The following MED12L variants were observed in gnomAD, a reference collection of about 807,000 sequenced individuals.
The protein encoded by MED12L is mediator of RNA polymerase II transcription subunit 12-like protein.
In MED12L, 60 loss-of-function variants were observed where a neutral mutation model predicts 281.3. That is an observed-to-expected ratio of 0.21 (90% CI 0.17 to 0.26). MED12L has a LOEUF of 0.26. MED12L is among the 10% of genes least tolerant of loss of function. The pLI is 1.00. For missense variants in MED12L, 2,146 were observed against 2,680.9 expected (o/e 0.80, Z 4.41); for synonymous variants, 974 against 987.2 (o/e 0.99, Z 0.25).
At chr3:151,089,346 G>A (rs1209356201) in intron 2 of MED12L, among the ~76,000 whole-genome samples, 1 of 151,386 alleles carries the variant, frequency 6.6e-6, no homozygotes, top group Non-Finnish European at 1.5e-5. Flanking sequence ...TGTTCCATTA[G>A]AGATAGCTGT....
rs930630884 is a variant in MED12L, at chr3:151,137,291, T to A, written c.556+9307T>A. Among the ~76,000 whole-genome samples the A allele has an allele frequency of 9.2e-5, 14 of 152,196 alleles. 1 individual carries two copies. Among genetic ancestry groups the A allele is most frequent in the African/African-American group, 2.4e-5 (1 of 41,452 alleles). ...CTTCTGTTAAATTTCGTGTTAAAAT[T>A]GCCCCAAAATTGGCCAGAGACCCTT... On this transcript the variant is annotated intron_variant, in intron 5 of 44. Coordinates refer to ENST00000687756, the MANE Select transcript of MED12L (RefSeq NM_001393769.1).
intron 16 of MED12L, among the ~76,000 whole-genome samples, chr3:151,273,578 T>A (rs1197542587): frequency 6.6e-6 from 1 of 151,964 alleles, no homozygotes; most frequent in Non-Finnish European, 1.5e-5. Context: ...TCTGGGTAAT[T>A]TATGTATATA....
chr3:151,384,338 T>G (rs945099188), intron 35 of MED12L, 120 bp downstream of exon 35: 1 of 1,049,034 alleles, frequency 9.5e-7, no homozygotes, highest in Non-Finnish European at 1.3e-6. Context: ...TTAATGTGAT[T>G]ATTTGCTATT....
chr3:151,161,976 C>T (rs539765338), intron 8 of MED12L, among the ~76,000 whole-genome samples: 4 of 152,004 alleles, frequency 2.6e-5, no homozygotes, highest in East Asian at 1.9e-4. Flanking sequence ...TAAGGAATGT[C>T]GAGGAGTGAT....
At chr3:151,342,359 C>T (rs115084327) in intron 16 of MED12L, among the ~76,000 whole-genome samples, 70 of 152,296 alleles carry the variant, frequency 4.6e-4, no homozygotes, top group African/African-American at 1.3e-3. Flanking sequence ...GCTGTGAACA[C>T]GTTTTGGTTT....
At chr3:151,223,671 C>T (rs1729871471) in intron 16 of MED12L, among the ~76,000 whole-genome samples, 1 of 152,120 alleles carries the variant, frequency 6.6e-6, no homozygotes, top group South Asian at 2.1e-4. Flanking sequence ...GAACAGTAGA[C>T]ACTGGAGACT....
At chr3:151,334,978 ATTT>A (rs1369868195) in intron 16 of MED12L, among the ~76,000 whole-genome samples, 3 of 152,162 alleles carry the variant, frequency 2.0e-5, no homozygotes, top group Non-Finnish European at 4.4e-5. Context: ...TTTCATATAA[ATTT>A]CATTCGGCAT....
intron 2 of MED12L, among the ~76,000 whole-genome samples, chr3:151,088,506 T>C (rs1245965562): frequency 6.6e-6 from 1 of 152,314 alleles, no homozygotes; most frequent in East Asian, 1.9e-4. Flanking sequence ...GGTTGAACTT[T>C]ATCATCTTGT....
chr3:151,402,167 T>G (rs561972051), intron 39 of MED12L, among the ~76,000 whole-genome samples: 1 of 152,352 alleles, frequency 6.6e-6, no homozygotes, highest in African/African-American at 2.4e-5. Flanking sequence ...AGTAAAATGC[T>G]TTTTCTATTA....
intron 25 of MED12L, among the ~76,000 whole-genome samples, chr3:151,368,760 ATTTTTTTT>A (rs201834162): frequency 1.2e-5 from 1 of 80,302 alleles, no homozygotes; most frequent in Non-Finnish European, 2.6e-5. Context: ...ATGTCATTTC[ATTTTTTTT>A]TTTTTTTTTC....
At chr3:151,208,780 G>A (rs1373187670) in intron 16 of MED12L, among the ~76,000 whole-genome samples, 1 of 152,184 alleles carries the variant, frequency 6.6e-6, no homozygotes, top group African/African-American at 2.4e-5. Flanking sequence ...TCAGGAAATG[G>A]AATGATAGGA....
chr3:151,402,498 C>G (rs1435054260), intron 39 of MED12L, among the ~76,000 whole-genome samples: 1 of 152,182 alleles, frequency 6.6e-6, no homozygotes, highest in East Asian at 1.9e-4. Context: ...GAACATATGG[C>G]CTGCTGACTT....
chr3:151,134,144 C>G (rs1715788824), intron 5 of MED12L, among the ~76,000 whole-genome samples: 1 of 150,486 alleles, frequency 6.6e-6, no homozygotes, highest in East Asian at 2.0e-4. Flanking sequence ...TTTGGAGAAG[C>G]TTGTCAGCCA....
At chr3:151,402,611 G>T (rs1402137773) in intron 39 of MED12L, among the ~76,000 whole-genome samples, 1 of 152,170 alleles carries the variant, frequency 6.6e-6, no homozygotes, top group Non-Finnish European at 1.5e-5. Flanking sequence ...TCACATGGGG[G>T]TTCCAAAGCC....
intron 16 of MED12L, among the ~76,000 whole-genome samples, chr3:151,207,040 C>T (rs991805103): frequency 3.3e-5 from 5 of 150,684 alleles, no homozygotes; most frequent in African/African-American, 1.2e-4. Context: ...CTTTTCCTAG[C>T]CATGTGATTT....
At chr3:151,100,590 T>G (rs534087243) in intron 2 of MED12L, among the ~76,000 whole-genome samples, 2 of 152,328 alleles carry the variant, frequency 1.3e-5, no homozygotes, top group African/African-American at 4.8e-5. Context: ...AGGTTAATAT[T>G]GACATTGCTT....
At position 151,332,494 on chromosome 3, in the gene MED12L, CTG is replaced by C. The variant is rs775606202; in HGVS notation, c.2251-17563_2251-17562del. 1.3e-3 allele frequency among the ~76,000 whole-genome samples: 196 copies of C among 152,136 alleles called. 2 individuals carry two copies. The highest frequency in any genetic ancestry group is 4.4e-4 in the Non-Finnish European group (30 of 68,004). ...TTATACTTTTTATTAATGTAACAAT[CTG>C]TTTTTCTGAGTAAGAACAATAGTAG... On this transcript the variant is annotated intron_variant, in intron 16 of 44. Coordinates refer to ENST00000687756, the MANE Select transcript of MED12L (RefSeq NM_001393769.1).
chr3:151,407,053 G>A (rs1716398132), intron 39 of MED12L, among the ~76,000 whole-genome samples: 1 of 151,958 alleles, frequency 6.6e-6, no homozygotes, highest in Non-Finnish European at 1.5e-5. Context: ...CACCCGCCTC[G>A]GCCTCCCAAA....
Position 151,436,440 on chromosome 3 carries a change from T to C in MED12L, c.*3636T>C. 1 of 357,844 alleles carries C rather than the reference T, an allele frequency of 2.8e-6. No homozygotes were observed. The highest frequency in any genetic ancestry group is 5.0e-6 in the Non-Finnish European group (1 of 198,756). The allele number at this position is 357,844 out of a possible 1,614,324, so 22.2% of individuals were successfully genotyped here. Reference sequence around the variant, plus strand: ...TATTTTATAGTGAACCGTTTCAATGTTTGTTTATTGTTATTTGTTGGCAAA... The same window carrying C: ...TATTTTATAGTGAACCGTTTCAATGCTTGTTTATTGTTATTTGTTGGCAAA... On this transcript the variant is annotated 3_prime_UTR_variant, in exon 45 of 45. Coordinates refer to ENST00000687756, the MANE Select transcript of MED12L (RefSeq NM_001393769.1).
Sources: gnomAD v4.1 joint callset for allele counts (sites outside exome capture counted in the v4.1 genomes callset) on GRCh38, gnomAD v4.1.1 for gene constraint, MANE v1.5 for transcripts, NCBI Gene and HGNC (gene_info 2026-07-23, HGNC 2026-07-21) for gene names.